PGRMC2: variants seen among roughly 807,000 people sequenced by gnomAD.
The protein encoded by PGRMC2 is membrane-associated progesterone receptor component 2.
Under a neutral mutation model 19.3 loss-of-function variants are expected in PGRMC2, and 9 were observed. The observed-to-expected ratio is 0.47, with a 90% CI of 0.28 to 0.81. PGRMC2 has a LOEUF of 0.81. PGRMC2 is among the 40% of genes least tolerant of loss of function. The pLI is 0.11. For missense variants in PGRMC2, 289 were observed against 297.3 expected (o/e 0.97, Z 0.21); for synonymous variants, 157 against 124.6 (o/e 1.26, Z -1.73).
chr4:128,271,249 G>GGACA lies in PGRMC2; in HGVS notation c.*63_*66dup. On this transcript the variant is annotated 3_prime_UTR_variant, in exon 3 of 3. Transcript: ENST00000296425. ...CAGGTGAATCAAACCCAAAGACTCC[G>GGACA]GACAGTCTGTGAAAGGGAGTAAGAA... The GGACA allele has an allele frequency of 2.6e-6, 2 of 778,902 alleles. No homozygotes were observed. Among genetic ancestry groups the GGACA allele is most frequent in the Non-Finnish European group, 4.4e-6 (2 of 455,438 alleles). 48.2% of individuals were successfully genotyped at this position (778,902 alleles called of 1,614,324 possible). A position where few individuals can be genotyped will look rare whatever the true frequency, so the allele number is the denominator to read the frequency against.
intron 1 of PGRMC2, among the ~76,000 whole-genome samples, chr4:128,281,107 A>G (rs1414392695): frequency 6.6e-6 from 1 of 152,204 alleles, no homozygotes; most frequent in Admixed American, 6.6e-5. Flanking sequence ...TAAAAAGATA[A>G]TAATTTCATC....
intron 1 of PGRMC2, among the ~76,000 whole-genome samples, chr4:128,280,069 A>G (rs894968811): frequency 3.3e-5 from 5 of 152,090 alleles, no homozygotes; most frequent in Non-Finnish European, 5.9e-5. Flanking sequence ...TACAGGAAAT[A>G]CTCCAAAATT....
intron 1 of PGRMC2, among the ~76,000 whole-genome samples, chr4:128,274,487 G>A (rs1462134084): frequency 7.0e-6 from 1 of 143,212 alleles, no homozygotes; most frequent in Non-Finnish European, 1.5e-5. Flanking sequence ...CTACGGCCTG[G>A]CCGAGAAAGC....
chr4:128,280,352 G>GAAAAAAAAAAA lies in PGRMC2; in HGVS notation c.418+7020_418+7021insTTTTTTTTTTT, dbSNP rs747302016. On this transcript the variant is annotated intron_variant, in intron 1 of 2. Transcript: ENST00000296425. ...GCAATAAGTAACAGCAAATTTTCTG[G>GAAAAAAAAAAA]GAAAAAAAAAAAAAAAAAAAAAAGG... 6.6e-5 allele frequency among the ~76,000 whole-genome samples: 4 copies of GAAAAAAAAAAA among 60,538 alleles called. 2 individuals carry two copies. Among genetic ancestry groups the GAAAAAAAAAAA allele is most frequent in the African/African-American group, 1.4e-4 (2 of 14,646 alleles). The allele number at this position is 60,538 out of a possible 152,430, so 39.7% of individuals were successfully genotyped here. A position where few individuals can be genotyped will look rare whatever the true frequency, so the allele number is the denominator to read the frequency against.
chr4:128,274,187 C>T (rs974991125), intron 1 of PGRMC2, among the ~76,000 whole-genome samples: 6 of 152,120 alleles, frequency 3.9e-5, no homozygotes, highest in South Asian at 4.1e-4. Flanking sequence ...GGCCAATATT[C>T]GTAACCTTCA....
rs867798427 is a variant in PGRMC2, at chr4:128,287,582, C to T, written c.209G>A (p.Arg70Gln). 3.1e-5 allele frequency: 47 copies of T among 1,534,366 alleles called. No homozygotes were observed. Among genetic ancestry groups the T allele is most frequent in the Non-Finnish European group, 3.9e-5 (45 of 1,141,004 alleles). Residue 70 changes from arginine to glutamine, a missense_variant, in exon 1 of 3, where the codon CGG becomes CAG. Transcript: ENST00000296425. ...LVALVLLGAY[R>Q]LWVRWGRRGL... ...CCGCCGCCCCCAGCGCACCCACAGC[C>T]GGTAGGCCCCCAGCAGCACCAGAGC...
intron 1 of PGRMC2, among the ~76,000 whole-genome samples, chr4:128,282,288 C>T (rs1308832330): frequency 6.6e-6 from 1 of 152,180 alleles, no homozygotes; most frequent in African/African-American, 2.4e-5. Context: ...CAAAAGAATA[C>T]AGGAGTTATA....
intron 1 of PGRMC2, among the ~76,000 whole-genome samples, chr4:128,285,194 C>T (rs758750116): frequency 1.3e-5 from 2 of 151,998 alleles, no homozygotes; most frequent in Non-Finnish European, 2.9e-5. Context: ...GGCGCAATCT[C>T]GGCTCACTGC....
At chr4:128,279,145 T>C (rs537596751) in intron 1 of PGRMC2, among the ~76,000 whole-genome samples, 3 of 151,734 alleles carry the variant, frequency 2.0e-5, no homozygotes, top group Non-Finnish European at 4.4e-5. Context: ...CAGGCAGAGG[T>C]TGCAGTGAGC....
intron 1 of PGRMC2, among the ~76,000 whole-genome samples, chr4:128,280,353 G>GAAAAAAAAAACCAAAAATTTATAA: frequency 8.3e-6 from 1 of 120,544 alleles, no homozygotes; most frequent in Non-Finnish European, 1.6e-5. Flanking sequence ...AATTTTCTGG[G>GAAAAAAAAAACCAAAAATTTATAA]AAAAAAAAAA....
chr4:128,279,571 G>A (rs1760872640), intron 1 of PGRMC2, among the ~76,000 whole-genome samples: 1 of 152,168 alleles, frequency 6.6e-6, no homozygotes, highest in Non-Finnish European at 1.5e-5. Flanking sequence ...ACACACATGT[G>A]TAAAATGACA....
intron 1 of PGRMC2, among the ~76,000 whole-genome samples, chr4:128,276,751 T>C (rs986801130): frequency 1.4e-4 from 22 of 152,346 alleles, no homozygotes; most frequent in African/African-American, 5.3e-4. Flanking sequence ...TATTAAAATA[T>C]AATGCTGATC....
intron 1 of PGRMC2, 67 bp from the exon 2 acceptor site, chr4:128,272,584 T>TAAA (rs5861848): frequency 1.4e-4 from 48 of 334,690 alleles, no homozygotes; most frequent in South Asian, 3.3e-4. Context: ...AAGGAAAAAG[T>TAAA]AAAAAAAAAA....
At chr4:128,281,200 A>G (rs1248399521) in intron 1 of PGRMC2, among the ~76,000 whole-genome samples, 7 of 152,350 alleles carry the variant, frequency 4.6e-5, no homozygotes, top group South Asian at 4.1e-4. Flanking sequence ...GGGAGGAATC[A>G]GAGTTAAAGC....
intron 1 of PGRMC2, among the ~76,000 whole-genome samples, chr4:128,274,421 G>A (rs140222111): frequency 0.016 from 2,356 of 147,952 alleles, 31 homozygotes; most frequent in Middle Eastern, 0.025. Context: ...TGAGGCAGGA[G>A]AATTGCTTGA....
intron 1 of PGRMC2, among the ~76,000 whole-genome samples, chr4:128,285,527 G>A (rs572165580): frequency 1.8e-4 from 27 of 152,332 alleles, no homozygotes; most frequent in African/African-American, 5.3e-4. Flanking sequence ...ATACTGCCAA[G>A]GCATAATGTG....
chr4:128,287,802 A>C lies in PGRMC2; in HGVS notation c.-12T>G, dbSNP rs371210722. 1,376 of 1,511,114 alleles carry C rather than the reference A, an allele frequency of 9.1e-4. 4 individuals are homozygous for C. Among genetic ancestry groups the C allele is most frequent in the Non-Finnish European group, 1.1e-3 (1,236 of 1,111,590 alleles). 93.6% of individuals were successfully genotyped at this position (1,511,114 alleles called of 1,614,324 possible). ...TCACCAGCCGCCATCACTGCCCGCC[A>C]GCGCCTTCCTCCTCCTCCCCGCCCC... On this transcript the variant is annotated 5_prime_UTR_variant, in exon 1 of 3. Coordinates refer to ENST00000296425, the MANE Select transcript of PGRMC2 (RefSeq NM_006320.6).
Position 128,270,947 on chromosome 4 carries a change from AG to A in PGRMC2, c.*368del. Reference sequence around the variant, plus strand: ...CTTGAGGAGATCTGTACACTTGAGTAGCAAATACATATCTGGTTGTCTTCAA... The same window carrying A: ...CTTGAGGAGATCTGTACACTTGAGTACAAATACATATCTGGTTGTCTTCAA... On this transcript the variant is annotated 3_prime_UTR_variant, in exon 3 of 3. Transcript: ENST00000296425. 1 of 165,640 alleles carries A rather than the reference AG, an allele frequency of 6.0e-6. No homozygotes were observed. Among genetic ancestry groups the A allele is most frequent in the Non-Finnish European group, 1.3e-5 (1 of 77,022 alleles). 10.3% of individuals were successfully genotyped at this position (165,640 alleles called of 1,614,324 possible). A position where few individuals can be genotyped will look rare whatever the true frequency, so the allele number is the denominator to read the frequency against.
At chr4:128,276,404 C>T (rs570804470) in intron 1 of PGRMC2, among the ~76,000 whole-genome samples, 7 of 152,262 alleles carry the variant, frequency 4.6e-5, no homozygotes, top group Admixed American at 3.3e-4. Context: ...CAACCTCTGC[C>T]TCCTAGGTTT....
Sources: allele counts gnomAD v4.1 joint callset (sites outside exome capture counted in the v4.1 genomes callset), GRCh38; gene constraint gnomAD v4.1.1; transcripts MANE v1.5; gene names NCBI Gene and HGNC (gene_info 2026-07-23, HGNC 2026-07-21).